HMCN2: variants seen among roughly 807,000 people sequenced by gnomAD.
HMCN2 encodes the protein hemicentin-2.
Under a neutral mutation model 377.5 loss-of-function variants are expected in HMCN2, and 325 were observed. The observed-to-expected ratio is 0.86, with a 90% CI of 0.79 to 0.94. The LOEUF (loss-of-function observed/expected upper bound fraction) is 0.94. HMCN2 is among the 40% of genes least tolerant of loss of function. HMCN2 has a pLI of 0.00. For synonymous variants in HMCN2, 2,007 were observed against 2,046.8 expected (o/e 0.98, Z 0.53); for missense variants, 4,543 against 4,725.3 (o/e 0.96, Z 1.13).
chr9:130,351,578 G>A lies in HMCN2; in HGVS notation c.4585+1G>A. 7.7e-7 allele frequency: 1 copy of A among 1,301,908 alleles called. No individual in the cohort carries two copies. Among genetic ancestry groups the A allele is most frequent in the Non-Finnish European group, 1.0e-6 (1 of 987,370 alleles). The allele number at this position is 1,301,908 out of a possible 1,614,324, so 80.6% of individuals were successfully genotyped here. A position where few individuals can be genotyped will look rare whatever the true frequency, so the allele number is the denominator to read the frequency against. ...AGGGACTTCCAGCTCCGAGTTCATGGTGAGCCCCCACGCCTTCTGGGACCC... is the reference window on the plus strand; with the variant it reads ...AGGGACTTCCAGCTCCGAGTTCATGATGAGCCCCCACGCCTTCTGGGACCC... On this transcript the variant is annotated splice_donor_variant, in intron 30 of 97. Coordinates refer to ENST00000683500, the MANE Select transcript of HMCN2 (RefSeq NM_001291815.2). LOFTEE classifies it high-confidence loss of function. The surrounding 1 kb of genome is among the most constrained non-coding windows in gnomAD (Gnocchi z 5.4).
chr9:130,267,474 ACACG>A (rs1554919620), intron 1 of HMCN2, among the ~76,000 whole-genome samples: 1 of 132,912 alleles, frequency 7.5e-6, no homozygotes, highest in African/African-American at 2.7e-5. Context: ...ACACACACAC[ACACG>A]CACAGATTCC....
chr9:130,325,141 G>A (rs1353684385), intron 19 of HMCN2, among the ~76,000 whole-genome samples: 2 of 141,644 alleles, frequency 1.4e-5, no homozygotes, highest in Non-Finnish European at 1.5e-5. Context: ...TGTCTCCCAG[G>A]CTGAAGTACA....
At position 130,382,252 on chromosome 9, in the gene HMCN2, A is replaced by C; in HGVS notation, c.8500A>C (p.Asn2834His). 1 of 985,858 alleles carries C rather than the reference A, an allele frequency of 1.0e-6. No individual in the cohort carries two copies. Among genetic ancestry groups the C allele is most frequent in the Non-Finnish European group, 1.2e-6 (1 of 829,946 alleles). The allele number at this position is 985,858 out of a possible 1,614,324, so 61.1% of individuals were successfully genotyped here. The part of the protein sequence containing the change: ...NAGRYSCKAS[N>H]EVGEDWLHYE... ...CGGGAGGTACTCGTGCAAGGCCTCC[A>C]ACGAGGTGGGCGAGGACTGGCTGCA... The change falls in exon 55 of 98, where the codon AAC (asparagine) becomes CAC (histidine). Residue 2834 changes from asparagine (N) to histidine (H), a missense_variant. Physicochemically the swap from Asn to His is moderately conservative, Grantham distance 68 (BLOSUM62 1). This residue lies in a region of HMCN2 where 736 missense variants were observed against 773.2 expected (regional missense o/e 0.95). Transcript: ENST00000683500.
intron 15 of HMCN2, among the ~76,000 whole-genome samples, chr9:130,319,150 C>G (rs1394744501): frequency 3.3e-5 from 5 of 152,128 alleles, no homozygotes; most frequent in Admixed American, 6.5e-5. Context: ...GTCAGCGGGT[C>G]ACAATCAGAC....
At chr9:130,300,558 C>T (rs1156380314) in intron 8 of HMCN2, among the ~76,000 whole-genome samples, 1 of 152,256 alleles carries the variant, frequency 6.6e-6, no homozygotes, top group African/African-American at 2.4e-5. Context: ...GCCCACCCAG[C>T]TCACAGGGCT....
intron 15 of HMCN2, among the ~76,000 whole-genome samples, chr9:130,317,160 C>T (rs1837603911): frequency 6.6e-6 from 1 of 152,062 alleles, no homozygotes; most frequent in African/African-American, 2.4e-5. Flanking sequence ...TGGTTGAGAG[C>T]CTGGGCTTTA....
chr9:130,301,488 T>A (rs1836510444), intron 8 of HMCN2, among the ~76,000 whole-genome samples: 2 of 152,202 alleles, frequency 1.3e-5, no homozygotes. Context: ...CAGGTGGCTC[T>A]GGGTTTGGAG....
Position 130,396,191 on chromosome 9 carries a change from AC to A in HMCN2, c.11078del (p.Pro3693HisfsTer4). ...CAGCGGTGCCCACCATCCGGTCAGG[AC>A]CACCTGCAGTGAACGTCTCAGTGAA... is the stretch of plus-strand genomic sequence containing the variant. ...IHTVPTIRSG[P>X]PAVNVSVNQT... On this transcript the variant is annotated frameshift_variant, in exon 73 of 98. Coordinates refer to ENST00000683500, the MANE Select transcript of HMCN2 (RefSeq NM_001291815.2). LOFTEE classifies it high-confidence loss of function. 1 of 1,279,626 alleles carries A rather than the reference AC, an allele frequency of 7.8e-7. No individual in the cohort carries two copies. The highest frequency in any genetic ancestry group is 1.0e-6 in the Non-Finnish European group (1 of 981,632). 79.3% of individuals were successfully genotyped at this position (1,279,626 alleles called of 1,614,324 possible). A position where few individuals can be genotyped will look rare whatever the true frequency, so the allele number is the denominator to read the frequency against.
In HMCN2 at chr9:130,347,962, C is replaced by T. The variant is rs1199951770; in HGVS notation, c.4025-583C>T. Reference sequence around the variant, plus strand: ...CCCTGGTCTCTTCTCACATTCTTGTCCTCAGCAGGGAGAGCGCCCACCCCC... The same window carrying T: ...CCCTGGTCTCTTCTCACATTCTTGTTCTCAGCAGGGAGAGCGCCCACCCCC... On this transcript the variant is annotated intron_variant, in intron 26 of 97. Coordinates refer to ENST00000683500, the MANE Select transcript of HMCN2 (RefSeq NM_001291815.2). This position sits in a 1 kb window ranked among gnomAD's most constrained non-coding sequence, Gnocchi z 5.1. 1 of 984,284 alleles carries T rather than the reference C, an allele frequency of 1.0e-6. No individual in the cohort carries two copies. Among genetic ancestry groups the T allele is most frequent in the South Asian group, 4.7e-5 (1 of 21,256 alleles). 61.0% of individuals were successfully genotyped at this position (984,284 alleles called of 1,614,324 possible). A position where few individuals can be genotyped will look rare whatever the true frequency, so the allele number is the denominator to read the frequency against.
Position 130,345,327 on chromosome 9 carries a change from T to TGTGTGTGTG in HMCN2, c.3830-1838_3830-1830dup, listed in dbSNP as rs1491299604. ...TGTGTGTGTTGTTTGATATGTATGC[T>TGTGTGTGTG]GTGTGTGTGTATGTTTGTGGTGTGT... On this transcript the variant is annotated intron_variant, in intron 25 of 97. Coordinates refer to ENST00000683500, the MANE Select transcript of HMCN2 (RefSeq NM_001291815.2). Among the ~76,000 whole-genome samples the TGTGTGTGTG allele has an allele frequency of 7.4e-5, 10 of 134,386 alleles. No homozygotes were observed. In the South Asian group the frequency reaches 1.2e-3, roughly 16 times the overall value. 88.2% of individuals were successfully genotyped at this position (134,386 alleles called of 152,430 possible).
At chr9:130,420,317 G>A (rs954020606) in intron 86 of HMCN2, among the ~76,000 whole-genome samples, 6 of 151,860 alleles carry the variant, frequency 4.0e-5, no homozygotes, top group South Asian at 2.1e-4. Context: ...CTCGTGATCC[G>A]CCCATCTCGG....
At chr9:130,340,306 G>A (rs1038862003) in intron 23 of HMCN2, among the ~76,000 whole-genome samples, 9 of 152,248 alleles carry the variant, frequency 5.9e-5, no homozygotes, top group South Asian at 4.1e-4. Context: ...CTTTAGTGCC[G>A]CACCTCATTT....
At chr9:130,305,830 A>G (rs938786069) in intron 11 of HMCN2, among the ~76,000 whole-genome samples, 1 of 152,158 alleles carries the variant, frequency 6.6e-6, no homozygotes, top group African/African-American at 2.4e-5. Flanking sequence ...GCTGCCTGAC[A>G]TCTCCCTAAG....
At chr9:130,399,070 T>C (rs1221427325) in intron 75 of HMCN2, among the ~76,000 whole-genome samples, 1 of 151,546 alleles carries the variant, frequency 6.6e-6, no homozygotes, top group Non-Finnish European at 1.5e-5. Flanking sequence ...CTGGGCAACA[T>C]AGTGAGACCC....
chr9:130,284,757 C>T, intron 2 of HMCN2, 84 bp downstream of exon 2: 1 of 459,814 alleles, frequency 2.2e-6, no homozygotes, highest in Admixed American at 2.4e-5. Flanking sequence ...CGAGTGATTC[C>T]CTCTTGCCCA....
At chr9:130,401,917 AT>A (rs2131718116) in intron 77 of HMCN2, among the ~76,000 whole-genome samples, 1 of 151,980 alleles carries the variant, frequency 6.6e-6, no homozygotes, top group African/African-American at 2.4e-5. Flanking sequence ...CTACAAACAC[AT>A]TTTTAAAAAT....
At chr9:130,287,095 G>A (rs1365075184) in intron 4 of HMCN2, among the ~76,000 whole-genome samples, 7 of 152,174 alleles carry the variant, frequency 4.6e-5, no homozygotes, top group African/African-American at 1.7e-4. Context: ...CCAAGTCAGA[G>A]TTGGGAAGTG....
In HMCN2 at chr9:130,429,629, A is replaced by G; in HGVS notation, c.14270A>G (p.His4757Arg). 6.5e-7 allele frequency: 1 copy of G among 1,549,212 alleles called. No individual in the cohort carries two copies. The highest frequency in any genetic ancestry group is 1.2e-5 in the South Asian group (1 of 83,890). ...CTCTGCGAGAACACCCCAGGCGGTC[A>G]CCGCTGCAGCTGCCCCAGGGGTTAC... is the stretch of plus-strand genomic sequence containing the variant. ...NQLCENTPGG[H>R]RCSCPRGYRM... The change falls in exon 94 of 98, where the codon CAC becomes CGC. Residue 4757 changes from histidine (H) to arginine (R), a missense_variant. Physicochemically the swap from His to Arg is conservative, Grantham distance 29. Transcript: ENST00000683500.
At chr9:130,432,016 G>C (rs1397805568) in intron 96 of HMCN2, among the ~76,000 whole-genome samples, 1 of 152,260 alleles carries the variant, frequency 6.6e-6, no homozygotes, top group African/African-American at 2.4e-5. Flanking sequence ...GCCTGTCTCT[G>C]TCCCTCATGC....
Sources: gnomAD v4.1 joint callset for allele counts (sites outside exome capture counted in the v4.1 genomes callset) on GRCh38, gnomAD v4.1.1 for gene constraint, gnomAD v4.1.1 regional missense constraint, Gnocchi (gnomAD v3.1) non-coding constraint, MANE v1.5 for transcripts, NCBI Gene and HGNC (gene_info 2026-07-23, HGNC 2026-07-21) for gene names.